Variants in SLC11A2 observed in about 807,000 individuals in gnomAD.
SLC11A2 encodes natural resistance-associated macrophage protein 2.
SLC11A2 carries 38 observed loss-of-function variants against 68.0 expected under a neutral mutation model. The observed-to-expected ratio is 0.56, with a 90% CI of 0.43 to 0.73. SLC11A2 has a LOEUF of 0.73. Ranked by LOEUF, SLC11A2 falls within the 30% of genes least tolerant of loss-of-function variation. The probability of loss-of-function intolerance (pLI) is 0.00; values close to 1 mark genes in which losing one functional copy is unlikely to be tolerated. For synonymous variants in SLC11A2, 242 were observed against 250.6 expected (o/e 0.97, Z 0.32); for missense variants, 517 against 690.5 (o/e 0.75, Z 2.82).
the SLC11A2 span, among the ~76,000 whole-genome samples, chr12:50,966,715 T>A: frequency 6.6e-6 from 1 of 152,146 alleles, no homozygotes; most frequent in East Asian, 1.9e-4. Flanking sequence ...GGCAAAGGAG[T>A]CTCACTAAAA....
At chr12:50,954,561 T>G in the SLC11A2 span, among the ~76,000 whole-genome samples, 1 of 152,136 alleles carries the variant, frequency 6.6e-6, no homozygotes, top group Non-Finnish European at 1.5e-5. Context: ...TTGGGCACAT[T>G]AAAAACTTCT....
At chr12:51,028,634 C>G (rs553600385), upstream of SLC11A2, 19 of 176,548 alleles carry the variant, frequency 1.1e-4, no homozygotes, top group Non-Finnish European at 1.8e-4. Context: ...TCCACAGGTG[C>G]ACTAGGACTC....
intron 3 of SLC11A2, 123 bp downstream of exon 3, chr12:51,008,353 A>C (rs756489948): frequency 1.4e-6 from 1 of 737,644 alleles, no homozygotes; most frequent in East Asian, 2.5e-5. Context: ...ATATAGATAT[A>C]GTCTTCAGAG....
chr12:50,996,820 G>C lies in SLC11A2; in HGVS notation c.828C>G (p.Val276=), dbSNP rs754854640. 3.9e-5 allele frequency: 63 copies of C among 1,613,884 alleles called. No homozygotes were observed. In the East Asian group the frequency reaches 1.3e-3, roughly 34 times the overall value. ...AGGAGATAAGGGCCTTGCTCACCTT[G>C]ACTAAGGCAGAATGCAGGTACATGT... is the stretch of plus-strand genomic sequence containing the variant. ...PHNMYLHSAL[V]KSRQVNRNNK... is the part of the protein sequence containing the mutation. Residue 276 remains valine, a synonymous_variant, in exon 9 of 16, where the codon GTC becomes GTG. Transcript: ENST00000262052.
chr12:50,992,762 G>A lies in SLC11A2; in HGVS notation c.1197+48C>T, dbSNP rs748204517. ...AAAAAAAAAAGAAGAAGAAGAAGAA[G>A]TAACAAAAGGGTTGTGTTATCTCCC... On this transcript the variant is annotated intron_variant, in intron 12 of 15. Coordinates refer to ENST00000262052, the MANE Select transcript of SLC11A2 (RefSeq NM_000617.3). The A allele has an allele frequency of 2.2e-6, 3 of 1,391,018 alleles. No homozygotes were observed. In the African/African-American group the frequency reaches 4.4e-5, roughly 20 times the overall value. 86.2% of individuals were successfully genotyped at this position (1,391,018 alleles called of 1,614,324 possible).
chr12:50,974,899 T>C (rs1939829022), downstream of SLC11A2, among the ~76,000 whole-genome samples: 1 of 152,156 alleles, frequency 6.6e-6, no homozygotes, highest in Admixed American at 6.5e-5. Flanking sequence ...AAGAAGGCCA[T>C]TACATAATGG....
intron 15 of SLC11A2, 26 bp downstream of exon 15, chr12:50,990,768 GC>G: frequency 6.2e-7 from 1 of 1,612,834 alleles, no homozygotes; most frequent in Non-Finnish European, 8.5e-7. Context: ...TGATACCTAT[GC>G]CCCTGCTCTT....
At chr12:50,970,590 T>C in the SLC11A2 span, 1 of 795,846 alleles carries the variant, frequency 1.3e-6, no homozygotes, top group South Asian at 1.5e-5. Flanking sequence ...TGTAGCAAAT[T>C]TTACTACACA....
At position 50,988,429 on chromosome 12, in the gene SLC11A2, G is replaced by A; in HGVS notation, c.1582C>T (p.Gln528Ter). 1 of 1,613,824 alleles carries A rather than the reference G, an allele frequency of 6.2e-7. No homozygotes were observed. ...YLGFVFYLGW[Q>*]CLIALGMSFL... is the part of the protein sequence containing the mutation. ...GACATGCCCAGTGCAATCAAACATT[G>A]CCAACCCTGAAAGACAAAATATGGT... Residue 528 changes from glutamine to a stop codon, truncating the protein, a stop_gained, in exon 16 of 16, where the codon CAA becomes TAA. Transcript: ENST00000262052. LOFTEE classifies it high-confidence loss of function.
At chr12:51,018,403 A>AG (rs1943811873) in intron 1 of SLC11A2, among the ~76,000 whole-genome samples, 1 of 151,524 alleles carries the variant, frequency 6.6e-6, no homozygotes, top group Non-Finnish European at 1.5e-5. Context: ...CAAAAAAAAA[A>AG]CAAAAAACAC....
At position 50,987,740 on chromosome 12, in the gene SLC11A2, G is replaced by A. The variant is rs1173551373; in HGVS notation, c.*585C>T. 1 of 1,286,910 alleles carries A rather than the reference G, an allele frequency of 7.8e-7. No individual in the cohort carries two copies. The highest frequency in any genetic ancestry group is 1.0e-6 in the Non-Finnish European group (1 of 988,622). 79.7% of individuals were successfully genotyped at this position (1,286,910 alleles called of 1,614,324 possible). On this transcript the variant is annotated 3_prime_UTR_variant, in exon 16 of 16. Transcript: ENST00000262052. ...TTTCTCACCCCTCTTAACTTCCACT[G>A]AGAAATTAAAGTGGAAATAAGTTCA...
At chr12:51,000,942 G>C (rs1197260065) in intron 5 of SLC11A2, among the ~76,000 whole-genome samples, 2 of 151,890 alleles carry the variant, frequency 1.3e-5, no homozygotes, top group African/African-American at 4.8e-5. Context: ...GAGGCAGGTG[G>C]ATCACCTGAG....
At chr12:50,982,999 T>C (rs1179489635), downstream of SLC11A2, among the ~76,000 whole-genome samples, 1 of 150,894 alleles carries the variant, frequency 6.6e-6, no homozygotes, top group Non-Finnish European at 1.5e-5. Context: ...TGAGTCTAGA[T>C]GGTTTGTGTT....
chr12:51,001,599 A>AG (rs34839482), intron 5 of SLC11A2, among the ~76,000 whole-genome samples: 19,531 of 147,020 alleles, frequency 0.13, 1,435 homozygotes, highest in South Asian at 0.24. Flanking sequence ...AAAAAAAAAA[A>AG]AAAGAAAGAA....
At chr12:51,015,342 G>A (rs1283506572) in intron 1 of SLC11A2, among the ~76,000 whole-genome samples, 1 of 150,830 alleles carries the variant, frequency 6.6e-6, no homozygotes, top group Non-Finnish European at 1.5e-5. Flanking sequence ...AGGCATCATG[G>A]TGCATGCCTG....
intron 9 of SLC11A2, among the ~76,000 whole-genome samples, chr12:50,996,289 T>TC (rs1334547261): frequency 6.6e-6 from 1 of 152,160 alleles, no homozygotes; most frequent in African/African-American, 2.4e-5. Flanking sequence ...AGAACTTTAG[T>TC]CCCAGCTGGG....
chr12:50,963,107 C>G, the SLC11A2 span, among the ~76,000 whole-genome samples: 59 of 151,774 alleles, frequency 3.9e-4, no homozygotes, highest in African/African-American at 1.4e-3. Flanking sequence ...TGGTGGTTTG[C>G]ACCTGTAATC....
chr12:51,025,806 A>C (rs1356864085), intron 1 of SLC11A2: 2 of 986,402 alleles, frequency 2.0e-6, no homozygotes, highest in Non-Finnish European at 2.4e-6. Context: ...GGCTATTCAC[A>C]CAGAAGGCGC....
chr12:50,964,139 G>A, the SLC11A2 span, among the ~76,000 whole-genome samples: 2 of 147,476 alleles, frequency 1.4e-5, no homozygotes, highest in East Asian at 3.9e-4. Flanking sequence ...AATGGACGTG[G>A]GGAATAGAAA....
Sources: allele counts gnomAD v4.1 joint callset (sites outside exome capture counted in the v4.1 genomes callset), GRCh38; gene constraint gnomAD v4.1.1; transcripts MANE v1.5; gene names NCBI Gene and HGNC (gene_info 2026-07-23, HGNC 2026-07-21).